Variants in NUDCD3 observed in about 807,000 individuals in gnomAD.
NUDCD3 encodes nudC domain-containing protein 3.
In NUDCD3, 13 loss-of-function variants were observed where a neutral mutation model predicts 39.7. The observed-to-expected ratio is 0.33, with a 90% CI of 0.21 to 0.52. The LOEUF (loss-of-function observed/expected upper bound fraction) is 0.52, where lower values mean the gene tolerates loss of function less well. Among genes scored for constraint, NUDCD3 ranks in the 20% least tolerant of loss-of-function variants. The pLI, the probability that NUDCD3 is intolerant of heterozygous loss-of-function variation, is 0.96. For missense variants in NUDCD3, 453 were observed against 458.1 expected, an observed-to-expected ratio of 0.99 and a Z score of 0.10; for synonymous variants, 175 against 172.4, an observed-to-expected ratio of 1.02 and a Z score of -0.12.
chr7:44,483,996 A>C (rs1440470164), intron 2 of NUDCD3, among the ~76,000 whole-genome samples: 1 of 152,202 alleles, frequency 6.6e-6, no homozygotes, highest in African/African-American at 2.4e-5. Flanking sequence ...CCAACAGAGT[A>C]AGATCCGGTC....
At chr7:44,463,049 C>T (rs936013204) in intron 2 of NUDCD3, among the ~76,000 whole-genome samples, 7 of 151,808 alleles carry the variant, frequency 4.6e-5, no homozygotes, top group African/African-American at 1.7e-4. Flanking sequence ...GCCCATGGCC[C>T]TCATGAGATA....
intron 3 of NUDCD3, among the ~76,000 whole-genome samples, chr7:44,414,626 C>T (rs6975278): frequency 0.13 from 19,556 of 152,120 alleles, 1,668 homozygotes; most frequent in Non-Finnish European, 0.19. Context: ...AGAGGCAGGA[C>T]AGGGATTTTT....
intron 5 of NUDCD3, 152 bp downstream of exon 5, chr7:44,392,145 A>C (rs1164094494): frequency 4.4e-6 from 3 of 678,386 alleles, no homozygotes; most frequent in African/African-American, 1.8e-5. Context: ...AAGAGCAGGT[A>C]AGACAGGTTC....
At chr7:44,408,955 C>G (rs377004437) in intron 3 of NUDCD3, among the ~76,000 whole-genome samples, 44 of 152,332 alleles carry the variant, frequency 2.9e-4, no homozygotes, top group African/African-American at 1.0e-3. Flanking sequence ...CTGTTTCTGG[C>G]TAAACTCAGA....
At chr7:44,403,483 A>G (rs192289124) in intron 4 of NUDCD3, among the ~76,000 whole-genome samples, 25 of 152,342 alleles carry the variant, frequency 1.6e-4, no homozygotes, top group African/African-American at 5.8e-4. Flanking sequence ...TATCAAGACC[A>G]GAGTCAAGGT....
rs1244270283 is a variant in NUDCD3, at chr7:44,383,041, G to C, written c.*2970C>G. The C allele has an allele frequency of 3.3e-5, 5 of 152,332 alleles. No homozygotes were observed. Among genetic ancestry groups the C allele is most frequent in the Non-Finnish European group, 5.9e-5 (4 of 68,080 alleles). 9.4% of individuals were successfully genotyped at this position (152,332 alleles called of 1,614,324 possible). On this transcript the variant is annotated 3_prime_UTR_variant, in exon 6 of 6. Coordinates refer to ENST00000355451, the MANE Select transcript of NUDCD3 (RefSeq NM_015332.4). Reference sequence around the variant, plus strand: ...AGTACTTCTCACACCCCTAGGTCCTGTCCCCAGGGGTGAGCAGGGTCAGAG... The same window carrying C: ...AGTACTTCTCACACCCCTAGGTCCTCTCCCCAGGGGTGAGCAGGGTCAGAG...
intron 5 of NUDCD3, among the ~76,000 whole-genome samples, chr7:44,388,340 C>A (rs1375261052): frequency 6.6e-6 from 1 of 152,224 alleles, no homozygotes; most frequent in African/African-American, 2.4e-5. Context: ...AGTGAAGCAA[C>A]TCCGGCCCCC....
intron 2 of NUDCD3, among the ~76,000 whole-genome samples, chr7:44,453,296 T>C (rs982817108): frequency 6.6e-6 from 1 of 152,062 alleles, no homozygotes; most frequent in Non-Finnish European, 1.5e-5. Flanking sequence ...GAGGTTGCAG[T>C]GAGCCAAGAT....
intron 1 of NUDCD3, among the ~76,000 whole-genome samples, chr7:44,488,352 AAAAAAG>A (rs1296637878): frequency 6.6e-6 from 1 of 151,428 alleles, no homozygotes; most frequent in African/African-American, 2.4e-5. Context: ...AAAAAAAAAA[AAAAAAG>A]AAAGAAAAAA....
At chr7:44,399,703 A>G (rs558364614) in intron 4 of NUDCD3, among the ~76,000 whole-genome samples, 4 of 152,206 alleles carry the variant, frequency 2.6e-5, no homozygotes, top group Non-Finnish European at 5.9e-5. Flanking sequence ...ACACTCCAGA[A>G]ACAACTCATC....
At chr7:44,489,265 A>T (rs1487799130) in intron 1 of NUDCD3, among the ~76,000 whole-genome samples, 3 of 152,220 alleles carry the variant, frequency 2.0e-5, no homozygotes, top group Non-Finnish European at 2.9e-5. Flanking sequence ...CACCTCCAAC[A>T]GCTCTCTCAT....
At chr7:44,428,792 C>T (rs1386003817) in intron 2 of NUDCD3, among the ~76,000 whole-genome samples, 1 of 152,290 alleles carries the variant, frequency 6.6e-6, no homozygotes, top group African/African-American at 2.4e-5. Context: ...TTATAGTGAA[C>T]TGAAGATCTA....
chr7:44,426,565 G>C (rs1477458836), intron 3 of NUDCD3, among the ~76,000 whole-genome samples: 3 of 152,182 alleles, frequency 2.0e-5, no homozygotes, highest in Admixed American at 6.5e-5. Flanking sequence ...GGGAGGCCGA[G>C]GCGGGCGGAT....
At chr7:44,489,992 C>A (rs1175033984) in intron 1 of NUDCD3, 1 of 160,238 alleles carries the variant, frequency 6.2e-6, no homozygotes. Flanking sequence ...CAAGCGACCA[C>A]ACCCATTGAT....
intron 4 of NUDCD3, 43 bp from the exon 5 acceptor site, chr7:44,392,528 C>A: frequency 6.3e-7 from 1 of 1,576,254 alleles, no homozygotes; most frequent in South Asian, 1.1e-5. Flanking sequence ...AGACCTGAGA[C>A]AGGTGTCCAG....
chr7:44,416,291 GATGCCCAGGCTGGTCTCAAATT>G (rs1799021110), intron 3 of NUDCD3, among the ~76,000 whole-genome samples: 2 of 151,866 alleles, frequency 1.3e-5, no homozygotes, highest in Non-Finnish European at 2.9e-5. Context: ...CTTTCACCAT[GATGCCCAGGCTGGTCTCAAATT>G]CCTGGGCTCA....
chr7:44,410,490 G>A (rs988221854), intron 3 of NUDCD3, among the ~76,000 whole-genome samples: 6 of 151,304 alleles, frequency 4.0e-5, no homozygotes, highest in East Asian at 3.9e-4. Flanking sequence ...GTGAAACCCC[G>A]TCTCTACTAA....
chr7:44,456,809 G>C (rs1799912363), intron 2 of NUDCD3, among the ~76,000 whole-genome samples: 1 of 151,664 alleles, frequency 6.6e-6, no homozygotes, highest in Non-Finnish European at 1.5e-5. Context: ...TAAGCTAGAA[G>C]AAAATGGAGG....
intron 3 of NUDCD3, among the ~76,000 whole-genome samples, chr7:44,414,339 T>A (rs1456071118): frequency 1.3e-5 from 2 of 152,070 alleles, no homozygotes; most frequent in African/African-American, 4.8e-5. Context: ...AAAGTCTACC[T>A]AGAATTTACT....
Sources: allele counts gnomAD v4.1 joint callset (sites outside exome capture counted in the v4.1 genomes callset), GRCh38; gene constraint gnomAD v4.1.1; transcripts MANE v1.5; gene names NCBI Gene and HGNC (gene_info 2026-07-23, HGNC 2026-07-21).